The following ZNF512 variants were observed in gnomAD, a reference collection of about 807,000 sequenced individuals.
ZNF512 encodes the protein zinc finger protein 512.
In ZNF512, 25 loss-of-function variants were observed where a neutral mutation model predicts 77.5. The ratio of observed to expected loss-of-function variants is 0.32; its 90% CI spans 0.23 to 0.45. The LOEUF is 0.45. Ranked by LOEUF, ZNF512 falls within the 20% of genes least tolerant of loss-of-function variation. The pLI is 1.00. For missense variants in ZNF512, 483 were observed against 692.6 expected, an observed-to-expected ratio of 0.70 and a Z score of 3.40; for synonymous variants, 246 against 239.9, an observed-to-expected ratio of 1.03 and a Z score of -0.24.
At chr2:27,618,181 A>G (rs1054650442) in intron 13 of ZNF512, among the ~76,000 whole-genome samples, 5 of 152,112 alleles carry the variant, frequency 3.3e-5, no homozygotes, top group Non-Finnish European at 7.4e-5. Context: ...TGGCCTCCCA[A>G]AGTGCTAGGA....
At chr2:27,598,996 C>T (rs1396981193) in intron 3 of ZNF512, among the ~76,000 whole-genome samples, 3 of 152,108 alleles carry the variant, frequency 2.0e-5, no homozygotes, top group Non-Finnish European at 4.4e-5. Context: ...CATGTGCCAC[C>T]ACACCTGGCT....
At chr2:27,597,459 A>G (rs1671923992) in intron 2 of ZNF512, among the ~76,000 whole-genome samples, 2 of 152,210 alleles carry the variant, frequency 1.3e-5, no homozygotes, top group African/African-American at 4.8e-5. Context: ...TAGCTGTCAT[A>G]CTGACTGGTC....
intron 13 of ZNF512, among the ~76,000 whole-genome samples, chr2:27,618,965 G>A (rs1311387996): frequency 6.6e-6 from 1 of 152,148 alleles, no homozygotes; most frequent in Non-Finnish European, 1.5e-5. Flanking sequence ...TTAACAATGT[G>A]AGCTTTAATT....
chr2:27,610,583 T>TATACA (rs1485007296), intron 10 of ZNF512, among the ~76,000 whole-genome samples: 37 of 67,214 alleles, frequency 5.5e-4, no homozygotes, highest in Non-Finnish European at 7.7e-4. Context: ...TTTTTTTTTT[T>TATACA]TTTTTTTTTT....
At chr2:27,587,969 C>T (rs763028990) in intron 2 of ZNF512, among the ~76,000 whole-genome samples, 7 of 151,224 alleles carry the variant, frequency 4.6e-5, no homozygotes, top group Admixed American at 1.3e-4. Context: ...TGTGAGCCAC[C>T]GCGCCCAGCC....
In ZNF512 at chr2:27,621,766, G is replaced by T; in HGVS notation, c.*305G>T. On this transcript the variant is annotated 3_prime_UTR_variant, in exon 14 of 14. Transcript: ENST00000355467. ...CTGTACAAAACTAAGAAACCTCTTT[G>T]GTTGTCCTTTCCTTCCTGGGGTATA... 4.4e-6 allele frequency: 1 copy of T among 225,744 alleles called. No individual in the cohort carries two copies. Among genetic ancestry groups the T allele is most frequent in the Non-Finnish European group, 8.9e-6 (1 of 112,706 alleles). The allele number at this position is 225,744 out of a possible 1,614,324, so 14.0% of individuals were successfully genotyped here.
At chr2:27,583,493 G>C in intron 1 of ZNF512, 165 bp from the exon 2 acceptor site, 2 of 1,486,644 alleles carry the variant, frequency 1.3e-6, no homozygotes, top group Non-Finnish European at 1.8e-6. Flanking sequence ...CCTTTGCACT[G>C]CTGGAAGATA....
At chr2:27,617,441 G>A (rs1470594365) in intron 12 of ZNF512, 32 bp from the exon 13 acceptor site, 4 of 866,816 alleles carry the variant, frequency 4.6e-6, no homozygotes, top group Non-Finnish European at 8.0e-6. Flanking sequence ...GAATTTACCA[G>A]TAATTCTTTT....
chr2:27,616,302 C>T lies in ZNF512; in HGVS notation c.1274C>T (p.Ala425Val). 1 of 1,613,928 alleles carries T rather than the reference C, an allele frequency of 6.2e-7. No individual in the cohort carries two copies. The highest frequency in any genetic ancestry group is 8.5e-7 in the Non-Finnish European group (1 of 1,179,790). Residue 425 changes from alanine to valine, a missense_variant, in exon 12 of 14, where the codon GCT (alanine) becomes GTT (valine). Around this residue, in one of 2 missense-constraint regions of ZNF512, gnomAD observed 324 missense variants for 525.0 expected, o/e 0.62. Transcript: ENST00000355467. ...AVYSSVSGLK[A>V]HLGSCTLGNF... Reference sequence around the variant, plus strand: ...TACAGCAGTGTATCTGGCCTTAAAGCTCACCTGGGCTCTTGTACATTGGTT... The same window carrying T: ...TACAGCAGTGTATCTGGCCTTAAAGTTCACCTGGGCTCTTGTACATTGGTT...
intron 2 of ZNF512, among the ~76,000 whole-genome samples, chr2:27,584,500 G>A (rs1671245756): frequency 6.6e-6 from 1 of 152,188 alleles, no homozygotes; most frequent in Non-Finnish European, 1.5e-5. Flanking sequence ...TAGTAGGTTA[G>A]GAATACAGGC....
chr2:27,602,487 A>C lies in ZNF512; in HGVS notation c.694A>C (p.Ile232Leu). The change falls in exon 8 of 14, where the codon ATA becomes CTA. Residue 232 changes from isoleucine (I) to leucine (L), a missense_variant. Physicochemically the swap from Ile to Leu is conservative, Grantham distance 5. This residue lies in a region of ZNF512 where 324 missense variants were observed against 525.0 expected (regional missense o/e 0.62). Coordinates refer to ENST00000355467, the MANE Select transcript of ZNF512 (RefSeq NM_032434.4). ...SLPILKAGDE[I>L]DEPSERERLR... ...GCCCATTTTGAAAGCCGGAGATGAA[A>C]TAGATGAGCCAAGTGAGAGGGAAAG... is the stretch of plus-strand genomic sequence containing the variant. The C allele has an allele frequency of 1.9e-6, 3 of 1,613,968 alleles. No homozygotes were observed. Among genetic ancestry groups the C allele is most frequent in the Non-Finnish European group, 2.5e-6 (3 of 1,179,982 alleles).
chr2:27,609,212 ACTC>A (rs1672500696), intron 10 of ZNF512, among the ~76,000 whole-genome samples: 2 of 151,866 alleles, frequency 1.3e-5, no homozygotes, highest in Admixed American at 6.6e-5. Context: ...GTAGGTGTGC[ACTC>A]CTGGTGGACA....
intron 7 of ZNF512, among the ~76,000 whole-genome samples, chr2:27,602,172 T>G (rs1386246750): frequency 1.3e-5 from 2 of 152,236 alleles, no homozygotes; most frequent in Non-Finnish European, 2.9e-5. Context: ...ACCGTTTTGA[T>G]AAAAGAGTTA....
intron 2 of ZNF512, among the ~76,000 whole-genome samples, chr2:27,594,867 G>A (rs1266129131): frequency 6.6e-6 from 1 of 152,216 alleles, no homozygotes; most frequent in African/African-American, 2.4e-5. Context: ...GCAAGACTCC[G>A]TCTGCAATCC....
In ZNF512 at chr2:27,583,488, G is replaced by A; in HGVS notation, c.31-170G>A. 3 of 1,481,174 alleles carry A rather than the reference G, an allele frequency of 2.0e-6. No homozygotes were observed. The South Asian group carries it at 4.0e-5, about 20-fold the overall frequency. The allele number at this position is 1,481,174 out of a possible 1,614,324, so 91.8% of individuals were successfully genotyped here. Reference sequence around the variant, plus strand: ...GGCTCTGGTATTGTTACCCGCCTTTGCACTGCTGGAAGATAGGACAGCATA... The same window carrying A: ...GGCTCTGGTATTGTTACCCGCCTTTACACTGCTGGAAGATAGGACAGCATA... On this transcript the variant is annotated intron_variant, in intron 1 of 13. Transcript: ENST00000355467.
At chr2:27,590,693 G>C (rs1314982531) in intron 2 of ZNF512, among the ~76,000 whole-genome samples, 1 of 152,074 alleles carries the variant, frequency 6.6e-6, no homozygotes, top group Non-Finnish European at 1.5e-5. Flanking sequence ...AAGAGACAGT[G>C]TCTTGCTCTG....
Position 27,617,541 on chromosome 2 carries a change from C to A in ZNF512, c.1365C>A (p.Val455=). Residue 455 remains valine, a synonymous_variant, in exon 13 of 14, where the codon GTC becomes GTA. Coordinates refer to ENST00000355467, the MANE Select transcript of ZNF512 (RefSeq NM_032434.4). ...AAGAATTTGTGTCAGAGAGTGGTGT[C>A]AAGTATCACATCAACTCCGTCCATG... The part of the protein sequence containing the change: ...CQKEFVSESG[V]KYHINSVHAE... The A allele has an allele frequency of 7.1e-7, 1 of 1,415,012 alleles. No homozygotes were observed. The highest frequency in any genetic ancestry group is 1.0e-6 in the Non-Finnish European group (1 of 998,328). 87.7% of individuals were successfully genotyped at this position (1,415,012 alleles called of 1,614,324 possible).
chr2:27,617,683 C>A, intron 13 of ZNF512, 112 bp downstream of exon 13: 1 of 633,754 alleles, frequency 1.6e-6, no homozygotes, highest in East Asian at 2.6e-5. Context: ...AAGTGGTTAC[C>A]AGAGCCATTA....
At chr2:27,603,769 T>C (rs1400383332) in intron 9 of ZNF512, among the ~76,000 whole-genome samples, 1 of 151,488 alleles carries the variant, frequency 6.6e-6, no homozygotes, top group Non-Finnish European at 1.5e-5. Context: ...TCTTCGTTTT[T>C]AATTTTTTGT....
Sources: allele counts gnomAD v4.1 joint callset (sites outside exome capture counted in the v4.1 genomes callset), GRCh38; gene constraint gnomAD v4.1.1; regional missense constraint gnomAD v4.1.1; transcripts MANE v1.5; gene names NCBI Gene and HGNC (gene_info 2026-07-23, HGNC 2026-07-21).